The following PRKCB variants were observed in gnomAD, a reference collection of about 807,000 sequenced individuals.
The protein encoded by PRKCB is protein kinase C beta, also known as protein kinase C beta type.
In PRKCB, 13 loss-of-function variants were observed where a neutral mutation model predicts 81.5. That is an observed-to-expected ratio of 0.16 (90% CI 0.10 to 0.25). The LOEUF (loss-of-function observed/expected upper bound fraction) is 0.25. Ranked by LOEUF, PRKCB falls within the 10% of genes least tolerant of loss-of-function variation. PRKCB has a pLI of 1.00. For synonymous variants in PRKCB, 335 were observed against 321.4 expected (o/e 1.04, Z -0.45); for missense variants, 509 against 875.7 (o/e 0.58, Z 5.29).
At position 24,216,577 on chromosome 16, in the gene PRKCB, A is replaced by G. The variant is rs1968231726; in HGVS notation, c.*1761A>G. On this transcript the variant is annotated 3_prime_UTR_variant, in exon 17 of 17. Coordinates refer to ENST00000643927, the MANE Select transcript of PRKCB (RefSeq NM_002738.7). ...ACTTGACAAATGTCCTTGAAGTAAG[A>G]TGCCTCATCTTTAGGGAAAAATGGG... is the stretch of plus-strand genomic sequence containing the variant. The G allele has an allele frequency of 6.1e-6, 6 of 985,460 alleles. No individual in the cohort carries two copies. The South Asian group carries it at 2.8e-4, about 46-fold the overall frequency. 61.0% of individuals were successfully genotyped at this position (985,460 alleles called of 1,614,324 possible).
chr16:24,101,274 T>A (rs1966503470), intron 7 of PRKCB, among the ~76,000 whole-genome samples: 1 of 152,144 alleles, frequency 6.6e-6, no homozygotes, highest in Admixed American at 6.5e-5. Flanking sequence ...TGGCCAGGTG[T>A]GGTGGCTCAT....
At chr16:24,124,469 C>T (rs1966839136) in intron 9 of PRKCB, among the ~76,000 whole-genome samples, 1 of 152,104 alleles carries the variant, frequency 6.6e-6, no homozygotes, top group Non-Finnish European at 1.5e-5. Flanking sequence ...AGCCATTGAA[C>T]CTTTTTAAGC....
chr16:24,176,359 G>T (rs1452808040), intron 12 of PRKCB, among the ~76,000 whole-genome samples: 1 of 152,168 alleles, frequency 6.6e-6, no homozygotes, highest in Non-Finnish European at 1.5e-5. Flanking sequence ...ACTGCAGTGA[G>T]CTATGATTGT....
chr16:23,857,654 C>G (rs1345868681), intron 2 of PRKCB, among the ~76,000 whole-genome samples: 1 of 151,782 alleles, frequency 6.6e-6, no homozygotes, highest in Non-Finnish European at 1.5e-5. Flanking sequence ...AAGTCAAGTC[C>G]AAGAAAAAAA....
Position 23,855,334 on chromosome 16 carries a change from C to T in PRKCB, c.205+17928C>T, listed in dbSNP as rs1962546792. 1.3e-5 allele frequency among the ~76,000 whole-genome samples: 2 copies of T among 152,140 alleles called. 1 individual carries two copies. The highest frequency in any genetic ancestry group is 4.1e-4 in the South Asian group (2 of 4,822). ...CACATGTGGGGTCTTAGGCATCTTT[C>T]TTTTTAATCTTCAGTTTCTTTGTCT... On this transcript the variant is annotated intron_variant, in intron 2 of 16. Transcript: ENST00000643927.
At chr16:24,124,714 A>G (rs1448696800) in intron 9 of PRKCB, among the ~76,000 whole-genome samples, 2 of 152,186 alleles carry the variant, frequency 1.3e-5, no homozygotes, top group African/African-American at 2.4e-5. Flanking sequence ...TTTGCGTGCC[A>G]CAAAGATGTC....
intron 2 of PRKCB, among the ~76,000 whole-genome samples, chr16:23,987,402 G>T (rs554547211): frequency 1.4e-5 from 1 of 73,048 alleles, no homozygotes; most frequent in Admixed American, 1.6e-4. Context: ...TGGTTGGGGT[G>T]GGGGGGGGTG....
At chr16:24,190,060 C>T (rs950707328) in intron 15 of PRKCB, among the ~76,000 whole-genome samples, 9 of 152,036 alleles carry the variant, frequency 5.9e-5, no homozygotes, top group Non-Finnish European at 7.4e-5. Context: ...TTCATCTTGG[C>T]GCATCTATTC....
intron 8 of PRKCB, 46 bp from the exon 9 acceptor site, chr16:24,123,789 C>T (rs779621369): frequency 1.0e-5 from 16 of 1,598,752 alleles, no homozygotes; most frequent in Middle Eastern, 3.4e-4. Context: ...CCTACAAGAT[C>T]GTCCTCAAAC....
intron 2 of PRKCB, among the ~76,000 whole-genome samples, chr16:23,957,921 T>C (rs952911884): frequency 6.6e-6 from 1 of 152,208 alleles, no homozygotes; most frequent in Non-Finnish European, 1.5e-5. Context: ...TGAAAAACAG[T>C]CATGAAATGG....
At chr16:24,124,460 G>A (rs1325424976) in intron 9 of PRKCB, among the ~76,000 whole-genome samples, 1 of 152,152 alleles carries the variant, frequency 6.6e-6, no homozygotes, top group Admixed American at 6.6e-5. Context: ...GCAGCGGGGA[G>A]CCATTGAACC....
intron 2 of PRKCB, among the ~76,000 whole-genome samples, chr16:23,840,716 C>T (rs1962249424): frequency 6.6e-6 from 1 of 152,162 alleles, no homozygotes; most frequent in Non-Finnish European, 1.5e-5. Context: ...GGCTCTATTA[C>T]ATTGTCATGG....
chr16:24,061,522 A>G (rs1965973216), intron 5 of PRKCB, among the ~76,000 whole-genome samples: 1 of 152,218 alleles, frequency 6.6e-6, no homozygotes, highest in South Asian at 2.1e-4. Flanking sequence ...AGCCATCACT[A>G]GCAATGGCTG....
chr16:24,030,998 AG>A (rs1466915052), intron 3 of PRKCB, among the ~76,000 whole-genome samples: 2 of 152,122 alleles, frequency 1.3e-5, no homozygotes, highest in African/African-American at 4.8e-5. Flanking sequence ...CAGGAAGTCA[AG>A]GTCCCAGTGA....
chr16:24,035,172 G>T (rs1965597718), intron 4 of PRKCB, among the ~76,000 whole-genome samples: 1 of 152,134 alleles, frequency 6.6e-6, no homozygotes, highest in African/African-American at 2.4e-5. Flanking sequence ...GCTTCAGACT[G>T]CACCCTTGGC....
intron 3 of PRKCB, among the ~76,000 whole-genome samples, chr16:24,028,293 C>A (rs184468678): frequency 1.2e-4 from 19 of 152,232 alleles, no homozygotes; most frequent in Admixed American, 5.2e-4. Flanking sequence ...TTCACCATAT[C>A]GGTCAGGCTG....
At chr16:23,954,099 G>A (rs1964319415) in intron 2 of PRKCB, among the ~76,000 whole-genome samples, 1 of 152,022 alleles carries the variant, frequency 6.6e-6, no homozygotes, top group Admixed American at 6.6e-5. Context: ...CAATGTGCAG[G>A]TTTGTTACAT....
chr16:23,926,843 C>G (rs1407562638), intron 2 of PRKCB, among the ~76,000 whole-genome samples: 1 of 152,036 alleles, frequency 6.6e-6, no homozygotes, highest in African/African-American at 2.4e-5. Flanking sequence ...TAAAAGATCT[C>G]AGTCTACAAG....
intron 10 of PRKCB, among the ~76,000 whole-genome samples, chr16:24,160,902 C>G (rs777168620): frequency 6.6e-6 from 1 of 152,072 alleles, no homozygotes; most frequent in Non-Finnish European, 1.5e-5. Flanking sequence ...TGAATGCCCG[C>G]GGCATGAGCA....
Sources: gnomAD v4.1 joint callset for allele counts (sites outside exome capture counted in the v4.1 genomes callset) on GRCh38, gnomAD v4.1.1 for gene constraint, MANE v1.5 for transcripts, NCBI Gene and HGNC (gene_info 2026-07-23, HGNC 2026-07-21) for gene names.